APTX: variants seen among roughly 807,000 people sequenced by gnomAD.
The protein encoded by APTX is forkhead-associated domain histidine triad-like protein.
A neutral mutation model predicts 42.3 loss-of-function variants in APTX; 33 were observed. That is an observed-to-expected ratio of 0.78 (90% CI 0.59 to 1.04). APTX has a LOEUF of 1.04. Ranked by LOEUF, APTX falls within the 50% of genes least tolerant of loss-of-function variation. APTX has a pLI of 0.00. For synonymous variants in APTX, 130 were observed against 146.7 expected (o/e 0.89, Z 0.82); for missense variants, 421 against 415.1 (o/e 1.01, Z -0.12).
chr9:33,024,255 A>G (rs1037741415), intron 1 of APTX, among the ~76,000 whole-genome samples: 2 of 152,210 alleles, frequency 1.3e-5, no homozygotes, highest in African/African-American at 2.4e-5. Flanking sequence ...TCACGCAATC[A>G]GCCCACGCTG....
intron 1 of APTX, among the ~76,000 whole-genome samples, chr9:33,013,378 G>A (rs1410416478): frequency 6.6e-6 from 1 of 152,058 alleles, no homozygotes; most frequent in Non-Finnish European, 1.5e-5. Flanking sequence ...GCCTTTCCCA[G>A]TTTCCTGTCC....
intron 1 of APTX, among the ~76,000 whole-genome samples, chr9:33,011,593 A>G (rs1234541101): frequency 1.3e-5 from 2 of 152,138 alleles, no homozygotes; most frequent in African/African-American, 2.4e-5. Flanking sequence ...CCGAAGTGCC[A>G]TATTTTTTAA....
At chr9:32,982,826 C>T (rs1046322342) in intron 6 of APTX, among the ~76,000 whole-genome samples, 2 of 152,136 alleles carry the variant, frequency 1.3e-5, no homozygotes, top group African/African-American at 4.8e-5. Context: ...GGGTGACTTT[C>T]CCTCCTAAAT....
At chr9:32,993,802 T>G (rs979617131) in intron 1 of APTX, among the ~76,000 whole-genome samples, 5 of 145,986 alleles carry the variant, frequency 3.4e-5, no homozygotes, top group South Asian at 2.3e-4. Flanking sequence ...CACTGCAAAC[T>G]CCACCTCATG....
At chr9:33,018,495 G>A (rs1221569476) in intron 1 of APTX, among the ~76,000 whole-genome samples, 2 of 148,868 alleles carry the variant, frequency 1.3e-5, no homozygotes, top group Non-Finnish European at 3.0e-5. Context: ...TTGAACCCAG[G>A]AGGCGGAGGT....
At chr9:32,998,239 G>C (rs1888869) in intron 1 of APTX, among the ~76,000 whole-genome samples, 62,053 of 151,988 alleles carry the variant, frequency 0.41, 14,103 homozygotes, top group South Asian at 0.55. Context: ...TTCAATTTGG[G>C]GGCATGTAGG....
At position 32,986,061 on chromosome 9, in the gene APTX, A is replaced by C. The variant is rs368954969; in HGVS notation, c.484-31T>G. 3.0e-4 allele frequency: 447 copies of C among 1,484,638 alleles called. 4 individuals carry two copies. The highest frequency in any genetic ancestry group is 1.2e-3 in the African/African-American group (83 of 68,884). The allele number at this position is 1,484,638 out of a possible 1,614,324, so 92.0% of individuals were successfully genotyped here. A position where few individuals can be genotyped will look rare whatever the true frequency, so the allele number is the denominator to read the frequency against. On this transcript the variant is annotated intron_variant, in intron 4 of 7. Transcript: ENST00000379817. The stretch of plus-strand genomic sequence containing the variant: ...AAAAAAACAAAAAAAAAAACAAAAA[A>C]AAAAAAAAACAAGCAATGTAAATTA...
chr9:33,024,774 C>G (rs1314527594), intron 1 of APTX: 1 of 150,000 alleles, frequency 6.7e-6, no homozygotes, highest in South Asian at 2.1e-4. Context: ...GACCCAAGGC[C>G]TATGCTATTG....
chr9:33,020,225 T>C, intron 1 of APTX: 1 of 190,630 alleles, frequency 5.2e-6, no homozygotes, highest in East Asian at 1.2e-4. Flanking sequence ...ACCTTTTCCT[T>C]CACCCAATTT....
chr9:32,986,707 G>A (rs1203104542), intron 4 of APTX, among the ~76,000 whole-genome samples: 1 of 151,692 alleles, frequency 6.6e-6, no homozygotes, highest in Non-Finnish European at 1.5e-5. Flanking sequence ...TGCCATGTTG[G>A]TCAGGCTGGT....
intron 5 of APTX, 73 bp downstream of exon 5, chr9:32,985,898 T>C: frequency 7.6e-7 from 1 of 1,312,272 alleles, no homozygotes; most frequent in South Asian, 1.2e-5. Context: ...TTGATTTCAT[T>C]TGTAATTAAG....
rs2118801721 is a variant in APTX, at chr9:32,987,579, G to T, written c.448C>A (p.Pro150Thr). The T allele has an allele frequency of 1.2e-6, 2 of 1,613,926 alleles. No homozygotes were observed. Among genetic ancestry groups the T allele is most frequent in the East Asian group, 2.2e-5 (1 of 44,884 alleles). The change falls in exon 4 of 8, where the codon CCC (proline) becomes ACC (threonine). Residue 150 changes from proline (P) to threonine (T), a missense_variant. Pro to Thr is a conservative substitution (Grantham distance 38). Transcript: ENST00000379817. Reference sequence around the variant, plus strand: ...GGTGCATCTTTTCCCTTCTTTAGGGGCACAGAGCATTGGCCAGAGTTGCTC... The same window carrying T: ...GGTGCATCTTTTCCCTTCTTTAGGGTCACAGAGCATTGGCCAGAGTTGCTC... ...PGSNSGQCSV[P>T]LKKGKDAPIK...
rs756416968 is a variant in APTX, at chr9:33,001,519, C to T, written c.-5+48G>A. The T allele has an allele frequency of 2.2e-5, 35 of 1,612,516 alleles. No homozygotes were observed. In the South Asian group the frequency reaches 3.2e-4, roughly 15 times the overall value. ...GCAGCCTCGGCCGAACGCTCACCCG[C>T]GGCATTGAGCCCAGCCAGCAGAAGA... is the stretch of plus-strand genomic sequence containing the variant. On this transcript the variant is annotated intron_variant, in intron 1 of 7. Transcript: ENST00000379817.
chr9:32,998,214 G>A (rs1196845424), intron 1 of APTX, among the ~76,000 whole-genome samples: 1 of 152,172 alleles, frequency 6.6e-6, no homozygotes, highest in African/African-American at 2.4e-5. Flanking sequence ...GCTCAGAGAG[G>A]TCTAAGCTGA....
chr9:32,985,927 T>C (rs1170249545), intron 5 of APTX, 44 bp downstream of exon 5: 2 of 1,555,268 alleles, frequency 1.3e-6, no homozygotes, highest in African/African-American at 2.7e-5. Flanking sequence ...GGAGTGGTCA[T>C]TTACAACATG....
rs117631308 is a variant in APTX at position 32,987,288 on chromosome 9, G to A, written c.483+256C>T. Among the ~76,000 whole-genome samples, 5,855 of 152,246 alleles carry A rather than the reference G, an allele frequency of 0.038. 221 individuals are homozygous for A. The highest frequency in any genetic ancestry group is 0.18 in the South Asian group (881 of 4,826). ...ACCTTCTATAGATGCATAAACAACT[G>A]ATCCACTTTAGTTGTTCAATGTTAA... On this transcript the variant is annotated intron_variant, in intron 4 of 7. Transcript: ENST00000379817.
At chr9:33,014,746 TAGA>T (rs1220312635) in intron 1 of APTX, among the ~76,000 whole-genome samples, 2 of 152,240 alleles carry the variant, frequency 1.3e-5, no homozygotes, top group African/African-American at 4.8e-5. Flanking sequence ...TCCTCCACCC[TAGA>T]AGTATTGCTG....
rs941560351 is a variant in APTX at position 33,009,777 on chromosome 9, ACT to A, written c.-5+15244_-5+15245del. Among the ~76,000 whole-genome samples, 86 of 152,080 alleles carry A rather than the reference ACT, an allele frequency of 5.7e-4. 1 individual carries two copies. The highest frequency in any genetic ancestry group is 5.3e-3 in the Admixed American group (81 of 15,256). On this transcript the variant is annotated intron_variant, in intron 1 of 6. Coordinates refer to the APTX transcript ENST00000436040. Reference sequence around the variant, plus strand: ...CCTCCAGCCCAGGTAACAGGGCGATACTCTGTCTCTAAAAAAAATAATAATAA... The same window carrying A: ...CCTCCAGCCCAGGTAACAGGGCGATACTGTCTCTAAAAAAAATAATAATAA...
chr9:32,977,849 A>G (rs1207015157), intron 6 of APTX, among the ~76,000 whole-genome samples: 1 of 152,086 alleles, frequency 6.6e-6, no homozygotes, highest in Non-Finnish European at 1.5e-5. Flanking sequence ...AAAAGAAAAA[A>G]AAAACGGAAA....
Sources: allele counts gnomAD v4.1 joint callset (sites outside exome capture counted in the v4.1 genomes callset), GRCh38; gene constraint gnomAD v4.1.1; transcripts MANE v1.5; gene names NCBI Gene and HGNC (gene_info 2026-07-23, HGNC 2026-07-21).